C2CD2: variants seen among roughly 807,000 people sequenced by gnomAD.
C2CD2 encodes C2 calcium dependent domain containing 2, also known as C2 domain-containing protein 2.
A neutral mutation model predicts 74.3 loss-of-function variants in C2CD2; 43 were observed. The ratio of observed to expected loss-of-function variants is 0.58; its 90% CI spans 0.45 to 0.75. The LOEUF is 0.75. Ranked by LOEUF, C2CD2 falls within the 30% of genes least tolerant of loss-of-function variation. The pLI is 0.00. For synonymous variants in C2CD2, 422 were observed against 390.7 expected, an observed-to-expected ratio of 1.08 and a Z score of -0.94; for missense variants, 801 against 916.3, an observed-to-expected ratio of 0.87 and a Z score of 1.63.
intron 2 of C2CD2, among the ~76,000 whole-genome samples, chr21:41,941,847 T>C (rs998051654): frequency 1.3e-5 from 2 of 152,194 alleles, no homozygotes; most frequent in African/African-American, 4.8e-5. Context: ...TTCATATAAA[T>C]GGAACCACAC....
intron 2 of C2CD2, among the ~76,000 whole-genome samples, chr21:41,927,188 T>C (rs2065220971): frequency 6.6e-6 from 1 of 152,236 alleles, no homozygotes; most frequent in Non-Finnish European, 1.5e-5. Context: ...ATTTTTGAGA[T>C]GGAGTCTCAC....
At position 41,929,716 on chromosome 21, in the gene C2CD2, C is replaced by T. The variant is rs983646312; in HGVS notation, c.379-7631G>A. ...CTCCACACCATGCCAGGCGACATCA[C>T]TCAAGTCTCCAAAGATCACCAAGTG... is the stretch of plus-strand genomic sequence containing the variant. On this transcript the variant is annotated intron_variant, in intron 2 of 13. Coordinates refer to ENST00000380486, the MANE Select transcript of C2CD2 (RefSeq NM_015500.2). The surrounding 1 kb of genome is among the most constrained non-coding windows in gnomAD (Gnocchi z 4.6). 2.0e-5 allele frequency among the ~76,000 whole-genome samples: 3 copies of T among 152,242 alleles called. No individual in the cohort carries two copies. Among genetic ancestry groups the T allele is most frequent in the Non-Finnish European group, 2.9e-5 (2 of 68,044 alleles).
In C2CD2 at chr21:41,926,986, G is replaced by T. The variant is rs181033354; in HGVS notation, c.379-4901C>A. ...AGATGTCTTTCCCCACTCTGCAAGCGAGTCTCACCTCTGTAAATATCCTTT... is the reference window on the plus strand; with the variant it reads ...AGATGTCTTTCCCCACTCTGCAAGCTAGTCTCACCTCTGTAAATATCCTTT... On this transcript the variant is annotated intron_variant, in intron 2 of 13. Coordinates refer to ENST00000380486, the MANE Select transcript of C2CD2 (RefSeq NM_015500.2). The surrounding 1 kb of genome is among the most constrained non-coding windows in gnomAD (Gnocchi z 8.0). Among the ~76,000 whole-genome samples the T allele has an allele frequency of 6.6e-6, 1 of 152,148 alleles. No individual in the cohort carries two copies. The highest frequency in any genetic ancestry group is 2.4e-5 in the African/African-American group (1 of 41,418).
intron 8 of C2CD2, chr21:41,908,524 C>A (rs980674323): frequency 1.3e-5 from 2 of 152,130 alleles, no homozygotes; most frequent in African/African-American, 4.8e-5. Context: ...CCATGCTGTG[C>A]AGGTCCCCGA....
Position 41,885,737 on chromosome 21 carries a change from A to G in C2CD2, c.*3387T>C, listed in dbSNP as rs546669400. 1 of 152,632 alleles carries G rather than the reference A, an allele frequency of 6.6e-6. No individual in the cohort carries two copies. Among genetic ancestry groups the G allele is most frequent in the East Asian group, 1.9e-4 (1 of 5,178 alleles). 9.5% of individuals were successfully genotyped at this position (152,632 alleles called of 1,614,324 possible). A position where few individuals can be genotyped will look rare whatever the true frequency, so the allele number is the denominator to read the frequency against. On this transcript the variant is annotated 3_prime_UTR_variant, in exon 14 of 14. Coordinates refer to ENST00000380486, the MANE Select transcript of C2CD2 (RefSeq NM_015500.2). ...GAAACACCTGCCTTCGGTGGCCAGCAGTGTAAATTAATCTTTCCCTCTCTG... is the reference window on the plus strand; with the variant it reads ...GAAACACCTGCCTTCGGTGGCCAGCGGTGTAAATTAATCTTTCCCTCTCTG...
At position 41,918,872 on chromosome 21, in the gene C2CD2, G is replaced by T; in HGVS notation, c.581C>A (p.Pro194His). 1 of 1,613,778 alleles carries T rather than the reference G, an allele frequency of 6.2e-7. No individual in the cohort carries two copies. The highest frequency in any genetic ancestry group is 8.5e-7 in the Non-Finnish European group (1 of 1,179,682). The change falls in exon 4 of 14, where the codon CCC becomes CAC. Residue 194 changes from proline (P) to histidine (H), a missense_variant. Coordinates refer to ENST00000380486, the MANE Select transcript of C2CD2 (RefSeq NM_015500.2). ...SVPEMAVNIQ[P>H]KALGEDQVAE... ...CGGACTGACCTCCCCCAGTGCTTTGGGCTGGATATTAACGGCCATTTCCGG... is the reference window on the plus strand; with the variant it reads ...CGGACTGACCTCCCCCAGTGCTTTGTGCTGGATATTAACGGCCATTTCCGG...
chr21:41,894,157 C>T (rs1190877067), intron 13 of C2CD2, among the ~76,000 whole-genome samples: 2 of 152,194 alleles, frequency 1.3e-5, no homozygotes, highest in African/African-American at 2.4e-5. Context: ...ATCAACTTCT[C>T]GAACAGGGCA....
At position 41,929,420 on chromosome 21, in the gene C2CD2, G is replaced by T. The variant is rs1358589176; in HGVS notation, c.379-7335C>A. Among the ~76,000 whole-genome samples, 1 of 152,200 alleles carries T rather than the reference G, an allele frequency of 6.6e-6. No homozygotes were observed. The highest frequency in any genetic ancestry group is 6.5e-5 in the Admixed American group (1 of 15,282). On this transcript the variant is annotated intron_variant, in intron 2 of 13. Coordinates refer to ENST00000380486, the MANE Select transcript of C2CD2 (RefSeq NM_015500.2). This position sits in a 1 kb window ranked among gnomAD's most constrained non-coding sequence, Gnocchi z 4.6. ...CATGCGGGGTACTGCACGGGCACAG[G>T]CCTGCCCTGCTTCCCACAGCCCTGC... is the stretch of plus-strand genomic sequence containing the variant.
chr21:41,950,927 G>T (rs951420836), intron 1 of C2CD2, among the ~76,000 whole-genome samples: 4 of 152,152 alleles, frequency 2.6e-5, no homozygotes, highest in African/African-American at 9.7e-5. Context: ...TCCTCCCTGG[G>T]TAGGACAGAG....
intron 2 of C2CD2, among the ~76,000 whole-genome samples, chr21:41,922,970 C>A (rs59966634): frequency 0.012 from 1,787 of 151,132 alleles, 31 homozygotes; most frequent in African/African-American, 0.041. Flanking sequence ...AGTTATCATG[C>A]GCTTTCCACA....
intron 10 of C2CD2, 41 bp downstream of exon 10, chr21:41,906,951 G>C (rs758354550): frequency 1.3e-6 from 2 of 1,546,012 alleles, no homozygotes; most frequent in Non-Finnish European, 1.8e-6. Flanking sequence ...ACAGGCAGGC[G>C]TCATGCAGAA....
chr21:41,911,868 T>C (rs1390941698), intron 7 of C2CD2, among the ~76,000 whole-genome samples: 1 of 152,124 alleles, frequency 6.6e-6, no homozygotes, highest in Admixed American at 6.6e-5. Context: ...CCGGTTAAAT[T>C]TTTTAAAACT....
rs755232467 is a variant in C2CD2, at chr21:41,918,164, C to T, written c.661G>A (p.Gly221Ser). 15 of 1,614,022 alleles carry T rather than the reference C, an allele frequency of 9.3e-6. No individual in the cohort carries two copies. The African/African-American group carries it at 1.6e-4, about 17-fold the overall frequency. The part of the protein sequence containing the change: ...VLKDILKHLA[G>S]SASPSVVLIT... ...AGAACCACTGATGGAGAGGCAGAAC[C>T]AGCCAAATGCTTCAAGATGTCCTTG... The change falls in exon 5 of 14, where the codon GGT (glycine) becomes AGT (serine). Residue 221 changes from glycine (G) to serine (S), a missense_variant. Physicochemically the swap from Gly to Ser is moderately conservative, Grantham distance 56. Coordinates refer to ENST00000380486, the MANE Select transcript of C2CD2 (RefSeq NM_015500.2).
At chr21:41,890,081 A>T (rs544103184) in intron 13 of C2CD2, among the ~76,000 whole-genome samples, 1 of 152,334 alleles carries the variant, frequency 6.6e-6, no homozygotes, top group East Asian at 1.9e-4. Context: ...TGTCCCAGAA[A>T]GGATGGTCAC....
Position 41,953,954 on chromosome 21 carries a change from C to T in C2CD2, c.-306G>A, listed in dbSNP as rs992451125. 6.6e-6 allele frequency: 1 copy of T among 152,170 alleles called. No individual in the cohort carries two copies. Among genetic ancestry groups the T allele is most frequent in the Non-Finnish European group, 1.4e-5 (1 of 69,352 alleles). The allele number at this position is 152,170 out of a possible 1,614,324, so 9.4% of individuals were successfully genotyped here. A position where few individuals can be genotyped will look rare whatever the true frequency, so the allele number is the denominator to read the frequency against. On this transcript the variant is annotated 5_prime_UTR_variant, in exon 1 of 14. Transcript: ENST00000380486. ...AGTTCCTGGGCCGCTGCGGGCCGCG[C>T]TTCCTCCTGCGCGCGCCGCCCCGGG...
chr21:41,912,057 T>G, intron 7 of C2CD2: 1 of 315,894 alleles, frequency 3.2e-6, no homozygotes, highest in East Asian at 5.6e-5. Context: ...CCCTCCCTTT[T>G]CACCCTGGAT....
At position 41,888,598 on chromosome 21, in the gene C2CD2, ATGT is replaced by A. The variant is rs371045620; in HGVS notation, c.*523_*525del. 9.2e-3 allele frequency: 1,472 copies of A among 159,604 alleles called. 21 individuals are homozygous for A. The highest frequency in any genetic ancestry group is 0.033 in the African/African-American group (1,367 of 41,542). The allele number at this position is 159,604 out of a possible 1,614,324, so 9.9% of individuals were successfully genotyped here. On this transcript the variant is annotated 3_prime_UTR_variant, in exon 14 of 14. Coordinates refer to ENST00000380486, the MANE Select transcript of C2CD2 (RefSeq NM_015500.2). The stretch of plus-strand genomic sequence containing the variant: ...TCTCTATTAATCCAAAATCCTGCCT[ATGT>A]TCCACTTCCCTGTACTCAGGGCCAG...
intron 2 of C2CD2, among the ~76,000 whole-genome samples, chr21:41,938,262 C>A (rs1337473870): frequency 6.6e-6 from 1 of 151,724 alleles, no homozygotes; most frequent in Non-Finnish European, 1.5e-5. Flanking sequence ...AAAATAAAGT[C>A]ATTGACACCT....
intron 11 of C2CD2, 74 bp downstream of exon 11, chr21:41,905,650 A>G: frequency 2.6e-6 from 2 of 782,246 alleles, no homozygotes; most frequent in Non-Finnish European, 4.3e-6. Flanking sequence ...TGAAAGGAAA[A>G]TACTTCATAT....
Sources: allele counts gnomAD v4.1 joint callset (sites outside exome capture counted in the v4.1 genomes callset), GRCh38; gene constraint gnomAD v4.1.1; non-coding constraint Gnocchi (gnomAD v3.1); transcripts MANE v1.5; gene names NCBI Gene and HGNC (gene_info 2026-07-23, HGNC 2026-07-21).